Variants in TRPC7 observed in about 807,000 individuals in gnomAD.
The protein encoded by TRPC7 is transient receptor potential cation channel subfamily C member 7.
Under a neutral mutation model 90.1 loss-of-function variants are expected in TRPC7, and 42 were observed. The observed-to-expected ratio is 0.47, with a 90% confidence interval of 0.36 to 0.60. The LOEUF is 0.60. Among genes scored for constraint, TRPC7 ranks in the 20% least tolerant of loss-of-function variants. The pLI is 0.00. For synonymous variants in TRPC7, 451 were observed against 436.3 expected, an observed-to-expected ratio of 1.03 and a Z score of -0.42; for missense variants, 955 against 1,112.3, an observed-to-expected ratio of 0.86 and a Z score of 2.01.
Position 136,215,054 on chromosome 5 carries a change from T to C in TRPC7, c.2419+1146A>G, listed in dbSNP as rs114539466. Among the ~76,000 whole-genome samples, 222 of 152,282 alleles carry C rather than the reference T, an allele frequency of 1.5e-3. 1 individual carries two copies. Among genetic ancestry groups the C allele is most frequent in the African/African-American group, 4.8e-3 (200 of 41,558 alleles). On this transcript the variant is annotated intron_variant, in intron 11 of 11. Transcript: ENST00000513104. The stretch of plus-strand genomic sequence containing the variant: ...AGATCCCCAGACCCCACTCCAGAGA[T>C]GCTGATTCATTAGGTCTGGGTGGGG...
chr5:136,312,052 G>A (rs1319124974), intron 3 of TRPC7, among the ~76,000 whole-genome samples: 1 of 152,170 alleles, frequency 6.6e-6, no homozygotes. Flanking sequence ...GCAAGGCTGA[G>A]TAATTTGCTC....
intron 5 of TRPC7, among the ~76,000 whole-genome samples, chr5:136,263,989 A>G (rs1471093649): frequency 2.6e-5 from 4 of 152,236 alleles, no homozygotes; most frequent in Admixed American, 1.3e-4. Context: ...TATTTGTGAT[A>G]AAAAATTTGA....
chr5:136,269,861 G>A (rs1757153143), intron 4 of TRPC7, among the ~76,000 whole-genome samples: 1 of 152,124 alleles, frequency 6.6e-6, no homozygotes, highest in Admixed American at 6.5e-5. Flanking sequence ...GTTACTGGGT[G>A]CCTGTAATCA....
At chr5:136,238,189 C>T (rs1281518220) in intron 7 of TRPC7, among the ~76,000 whole-genome samples, 3 of 152,238 alleles carry the variant, frequency 2.0e-5, no homozygotes, top group African/African-American at 7.2e-5. Flanking sequence ...AGGAGGCCCT[C>T]TCTCATGACT....
At chr5:136,308,382 T>C (rs1192431522) in intron 3 of TRPC7, among the ~76,000 whole-genome samples, 2 of 152,204 alleles carry the variant, frequency 1.3e-5, no homozygotes, top group African/African-American at 4.8e-5. Context: ...CATCCTGCAG[T>C]GCAGTTTGGG....
At chr5:136,313,433 G>A (rs749148911) in intron 3 of TRPC7, among the ~76,000 whole-genome samples, 2 of 151,386 alleles carry the variant, frequency 1.3e-5, no homozygotes, top group African/African-American at 4.9e-5. Flanking sequence ...CTATCAAGTT[G>A]TAAAGGGCAG....
In TRPC7 at chr5:136,347,520, C is replaced by G. The variant is rs1224624747; in HGVS notation, c.780+9088G>C. Reference sequence around the variant, plus strand: ...AAATTTACTTAGTTCATGCAGCCAACAGAGAGAGAAAGATGTTTTTAGAAT... The same window carrying G: ...AAATTTACTTAGTTCATGCAGCCAAGAGAGAGAGAAAGATGTTTTTAGAAT... On this transcript the variant is annotated intron_variant, in intron 2 of 11. Transcript: ENST00000513104. Among the ~76,000 whole-genome samples, 7 of 152,186 alleles carry G rather than the reference C, an allele frequency of 4.6e-5. No individual in the cohort carries two copies. The East Asian group carries it at 1.3e-3, about 29-fold the overall frequency.
At chr5:136,358,647 A>C (rs886904489) in intron 1 of TRPC7, among the ~76,000 whole-genome samples, 6 of 152,230 alleles carry the variant, frequency 3.9e-5, no homozygotes, top group African/African-American at 1.2e-4. Flanking sequence ...ATTTGAGCTC[A>C]AGTCAGGGAT....
intron 2 of TRPC7, among the ~76,000 whole-genome samples, chr5:136,335,089 T>G (rs1024947168): frequency 1.3e-5 from 2 of 152,234 alleles, no homozygotes; most frequent in Non-Finnish European, 2.9e-5. Context: ...GGATAGCCCT[T>G]GGAAGTAAGA....
Position 136,247,363 on chromosome 5 carries a change from G to T in TRPC7, c.1844+108C>A. 1 of 1,261,170 alleles carries T rather than the reference G, an allele frequency of 7.9e-7. No homozygotes were observed. The allele number at this position is 1,261,170 out of a possible 1,614,324, so 78.1% of individuals were successfully genotyped here. Reference sequence around the variant, plus strand: ...TGAATAAAGTTGCCTTTAACCTTGAGAGATAGCAAGGAAACAGCAGTCTCT... The same window carrying T: ...TGAATAAAGTTGCCTTTAACCTTGATAGATAGCAAGGAAACAGCAGTCTCT... On this transcript the variant is annotated intron_variant, in intron 7 of 11. Coordinates refer to ENST00000513104, the MANE Select transcript of TRPC7 (RefSeq NM_020389.3). This position sits in a 1 kb window ranked among gnomAD's most constrained non-coding sequence, Gnocchi z 4.2.
intron 3 of TRPC7, among the ~76,000 whole-genome samples, chr5:136,287,919 A>C (rs1469421706): frequency 6.6e-6 from 1 of 152,052 alleles, no homozygotes; most frequent in Non-Finnish European, 1.5e-5. Flanking sequence ...CCCCAGAATA[A>C]CTGAGACCAA....
At position 136,357,148 on chromosome 5, in the gene TRPC7, G is replaced by T; in HGVS notation, c.240C>A (p.Asn80Lys). 6.2e-7 allele frequency: 1 copy of T among 1,614,098 alleles called. No individual in the cohort carries two copies. The highest frequency in any genetic ancestry group is 8.5e-7 in the Non-Finnish European group (1 of 1,180,026). The part of the protein sequence containing the change: ...NFNCVDYMGQ[N>K]ALQLAVGNEH... ...CGTTGCCCACGGCCAGCTGCAGAGCGTTCTGCCCCATGTAGTCCACACAGT... is the reference window on the plus strand; with the variant it reads ...CGTTGCCCACGGCCAGCTGCAGAGCTTTCTGCCCCATGTAGTCCACACAGT... Residue 80 changes from asparagine to lysine, a missense_variant, in exon 2 of 12, where the codon AAC (asparagine) becomes AAA (lysine). This residue lies in a region of TRPC7 where 161 missense variants were observed against 145.7 expected (regional missense o/e 1.10). Coordinates refer to ENST00000513104, the MANE Select transcript of TRPC7 (RefSeq NM_020389.3).
At chr5:136,319,627 C>A (rs958820390) in intron 2 of TRPC7, among the ~76,000 whole-genome samples, 3 of 152,136 alleles carry the variant, frequency 2.0e-5, no homozygotes, top group Non-Finnish European at 4.4e-5. Flanking sequence ...GCTTTCCTCT[C>A]CACTGACTAC....
At chr5:136,355,376 T>C (rs1302045114) in intron 2 of TRPC7, among the ~76,000 whole-genome samples, 1 of 152,224 alleles carries the variant, frequency 6.6e-6, no homozygotes, top group African/African-American at 2.4e-5. Flanking sequence ...TGTGATCCTC[T>C]CTCTACTTCT....
At chr5:136,249,376 T>C (rs1375416894) in intron 6 of TRPC7, among the ~76,000 whole-genome samples, 1 of 152,200 alleles carries the variant, frequency 6.6e-6, no homozygotes, top group Non-Finnish European at 1.5e-5. Context: ...CATTACAGAT[T>C]CTATGTTCTC....
At chr5:136,310,792 C>A (rs201084931) in intron 3 of TRPC7, among the ~76,000 whole-genome samples, 1 of 152,076 alleles carries the variant, frequency 6.6e-6, no homozygotes, top group African/African-American at 2.4e-5. Flanking sequence ...GACACCTGTC[C>A]CATTTCACTC....
chr5:136,247,417 A>C lies in TRPC7; in HGVS notation c.1844+54T>G, dbSNP rs1269922910. ...AGAAGCCACCTTCAGGAGACTCCCA[A>C]GGATTCCCAGGAAGCCCAGGGAGAA... On this transcript the variant is annotated intron_variant, in intron 7 of 11. Coordinates refer to ENST00000513104, the MANE Select transcript of TRPC7 (RefSeq NM_020389.3). This position sits in a 1 kb window ranked among gnomAD's most constrained non-coding sequence, Gnocchi z 4.2. 8 of 1,548,910 alleles carry C rather than the reference A, an allele frequency of 5.2e-6. No individual in the cohort carries two copies. The African/African-American group carries it at 8.2e-5, about 16-fold the overall frequency.
intron 2 of TRPC7, among the ~76,000 whole-genome samples, chr5:136,350,332 G>A (rs559870304): frequency 6.6e-6 from 1 of 152,294 alleles, no homozygotes; most frequent in African/African-American, 2.4e-5. Context: ...GAAGCATGGT[G>A]CAATGGGTGC....
intron 7 of TRPC7, among the ~76,000 whole-genome samples, chr5:136,238,768 T>C (rs1756070586): frequency 6.6e-6 from 1 of 152,114 alleles, no homozygotes; most frequent in South Asian, 2.1e-4. Flanking sequence ...CTCAGACTGT[T>C]CCAGGGGCTC....
Sources: allele counts gnomAD v4.1 joint callset (sites outside exome capture counted in the v4.1 genomes callset), GRCh38; gene constraint gnomAD v4.1.1; regional missense constraint gnomAD v4.1.1; non-coding constraint Gnocchi (gnomAD v3.1); transcripts MANE v1.5; gene names NCBI Gene and HGNC (gene_info 2026-07-23, HGNC 2026-07-21).